Variants in TIAM2 observed in about 807,000 individuals in gnomAD.
TIAM2 encodes the protein rho guanine nucleotide exchange factor TIAM2.
A neutral mutation model predicts 152.9 loss-of-function variants in TIAM2; 80 were observed. That is an observed-to-expected ratio of 0.52 (90% CI 0.44 to 0.63). The LOEUF is 0.63. Among genes scored for constraint, TIAM2 ranks in the 30% least tolerant of loss-of-function variants. The probability of loss-of-function intolerance (pLI) is 0.00; values close to 1 mark genes in which losing one functional copy is unlikely to be tolerated. For synonymous variants in TIAM2, 804 were observed against 838.0 expected, an observed-to-expected ratio of 0.96 and a Z score of 0.70; for missense variants, 1,965 against 2,120.1, an observed-to-expected ratio of 0.93 and a Z score of 1.44.
At chr6:155,109,990 C>T (rs951929263) in intron 2 of TIAM2, among the ~76,000 whole-genome samples, 8 of 150,210 alleles carry the variant, frequency 5.3e-5, no homozygotes, top group African/African-American at 1.7e-4. Flanking sequence ...CACTCTTTTA[C>T]CCAGGCTGGA....
intron 14 of TIAM2, 120 bp from the exon 15 acceptor site, chr6:155,211,084 C>T (rs1781706621): frequency 2.7e-6 from 2 of 738,280 alleles, no homozygotes; most frequent in Non-Finnish European, 4.4e-6. Context: ...TTCAGGACTG[C>T]TCTGTACTGC....
intron 7 of TIAM2, among the ~76,000 whole-genome samples, chr6:155,158,454 GA>G (rs1780177394): frequency 6.6e-6 from 1 of 152,156 alleles, no homozygotes; most frequent in Non-Finnish European, 1.5e-5. Context: ...GAAAGATAAT[GA>G]AAACCTTCTC....
intron 1 of TIAM2, among the ~76,000 whole-genome samples, chr6:155,079,579 G>C (rs915850544): frequency 1.4e-4 from 21 of 152,204 alleles, no homozygotes; most frequent in Admixed American, 1.4e-3. Flanking sequence ...CAGTACAGCT[G>C]GGGGTTCAGA....
At chr6:155,049,106 C>A (rs1777267780) in intron 1 of TIAM2, among the ~76,000 whole-genome samples, 1 of 152,104 alleles carries the variant, frequency 6.6e-6, no homozygotes, top group Non-Finnish European at 1.5e-5. Flanking sequence ...CAGCCTTAAT[C>A]CACTCTTTGA....
chr6:155,136,560 C>T (rs1438210356), intron 4 of TIAM2, among the ~76,000 whole-genome samples: 1 of 152,130 alleles, frequency 6.6e-6, no homozygotes, highest in East Asian at 1.9e-4. Flanking sequence ...AAGCATGAGC[C>T]ACCTCGCCAT....
rs1187525574 is a variant in TIAM2 at position 155,186,754 on chromosome 6, C to A, written c.3064+3254C>A. Among the ~76,000 whole-genome samples, 1 of 152,112 alleles carries A rather than the reference C, an allele frequency of 6.6e-6. No individual in the cohort carries two copies. Among genetic ancestry groups the A allele is most frequent in the Admixed American group, 6.5e-5 (1 of 15,274 alleles). On this transcript the variant is annotated intron_variant, in intron 14 of 26. Coordinates refer to ENST00000682666, the MANE Select transcript of TIAM2 (RefSeq NM_012454.4). The surrounding 1 kb of genome is among the most constrained non-coding windows in gnomAD (Gnocchi z 4.5). ...GCAATGAATTAGAAAACAGTAATCC[C>A]ATTTTTTAACTAAAAAAGTTAAAAT...
Position 155,179,133 on chromosome 6 carries a change from T to C in TIAM2, c.2618T>C (p.Met873Thr). ...EYCIPAPYEY[M>T]QQQVYDEIEV... ...TGCATCCCTGCACCATATGAATATA[T>C]GCAACAACAGGTAAGTGTGCACTAG... Residue 873 changes from methionine to threonine, a missense_variant, in exon 11 of 27, where the codon ATG becomes ACG. Coordinates refer to ENST00000682666, the MANE Select transcript of TIAM2 (RefSeq NM_012454.4). 6.2e-7 allele frequency: 1 copy of C among 1,613,206 alleles called. No homozygotes were observed. Among genetic ancestry groups the C allele is most frequent in the Non-Finnish European group, 8.5e-7 (1 of 1,179,530 alleles).
chr6:155,108,406 G>T (rs968661898), intron 2 of TIAM2, among the ~76,000 whole-genome samples: 1 of 152,156 alleles, frequency 6.6e-6, no homozygotes, highest in Non-Finnish European at 1.5e-5. Flanking sequence ...CTGAGAGCAG[G>T]AACAGTGCAC....
At chr6:155,106,706 C>G (rs1778698895) in intron 2 of TIAM2, among the ~76,000 whole-genome samples, 1 of 152,200 alleles carries the variant, frequency 6.6e-6, no homozygotes, top group African/African-American at 2.4e-5. Context: ...AGCTGAGGCT[C>G]CCTTCAAGTG....
At chr6:155,118,579 C>T (rs906618863) in intron 2 of TIAM2, among the ~76,000 whole-genome samples, 9 of 151,834 alleles carry the variant, frequency 5.9e-5, no homozygotes, top group Admixed American at 1.3e-4. Context: ...ATTACAGGCG[C>T]CCGCCACCAC....
In TIAM2 at chr6:155,015,868, C is replaced by T. The variant is rs182158397; in HGVS notation, c.-209+20376C>T. Among the ~76,000 whole-genome samples, 70 of 134,158 alleles carry T rather than the reference C, an allele frequency of 5.2e-4. No homozygotes were observed. The Middle Eastern group carries it at 0.018, about 34-fold the overall frequency. The allele number at this position is 134,158 out of a possible 152,430, so 88.0% of individuals were successfully genotyped here. On this transcript the variant is annotated intron_variant, in intron 1 of 26. Transcript: ENST00000682666. Reference sequence around the variant, plus strand: ...AGGAGAATCTCTTGAACCCAGGAGGCGGGGGTTGCAGTGAGCCAAGATGGC... The same window carrying T: ...AGGAGAATCTCTTGAACCCAGGAGGTGGGGGTTGCAGTGAGCCAAGATGGC...
intron 1 of TIAM2, among the ~76,000 whole-genome samples, chr6:155,033,180 A>C (rs2114893480): frequency 6.6e-6 from 1 of 152,326 alleles, no homozygotes; most frequent in African/African-American, 2.4e-5. Context: ...CACTGCAGCC[A>C]TGACGGCCCC....
intron 14 of TIAM2, among the ~76,000 whole-genome samples, chr6:155,199,584 G>A (rs1583245134): frequency 6.6e-6 from 1 of 152,288 alleles, no homozygotes; most frequent in East Asian, 1.9e-4. Flanking sequence ...AGGCAAAATA[G>A]TTTAAAATTT....
At chr6:155,000,740 T>G (rs537125187) in intron 1 of TIAM2, among the ~76,000 whole-genome samples, 10 of 152,232 alleles carry the variant, frequency 6.6e-5, no homozygotes, top group African/African-American at 2.2e-4. Context: ...ATCCCAGTAC[T>G]CTGGGAGGCC....
chr6:155,249,483 G>A (rs1783527569), intron 20 of TIAM2, among the ~76,000 whole-genome samples: 1 of 152,186 alleles, frequency 6.6e-6, no homozygotes, highest in Non-Finnish European at 1.5e-5. Flanking sequence ...TTTCTCATCT[G>A]TAAAATGGGA....
In TIAM2 at chr6:155,129,804, C is replaced by A. The variant is rs147519937; in HGVS notation, c.581C>A (p.Pro194Gln). ...SKVPAEDCSE[P>Q]VQLLRYSPTL... ...GTGCCTGCAGAGGACTGCAGTGAGCCGGTGCAGCTGCTGAGGTACTCACCT... is the reference window on the plus strand; with the variant it reads ...GTGCCTGCAGAGGACTGCAGTGAGCAGGTGCAGCTGCTGAGGTACTCACCT... Residue 194 changes from proline to glutamine, a missense_variant, in exon 4 of 27, where the codon CCG becomes CAG. Transcript: ENST00000682666. This position sits in a 1 kb window ranked among gnomAD's most constrained non-coding sequence, Gnocchi z 4.8. 1.1e-5 allele frequency: 17 copies of A among 1,613,570 alleles called. No individual in the cohort carries two copies. The highest frequency in any genetic ancestry group is 1.4e-5 in the Non-Finnish European group (16 of 1,180,036).
At chr6:154,996,877 A>C (rs1778221740) in intron 1 of TIAM2, among the ~76,000 whole-genome samples, 1 of 152,222 alleles carries the variant, frequency 6.6e-6, no homozygotes, top group Non-Finnish European at 1.5e-5. Context: ...TTAGGGTGTC[A>C]GAGGTTTTTG....
intron 15 of TIAM2, among the ~76,000 whole-genome samples, chr6:155,217,763 G>A (rs944077643): frequency 3.9e-5 from 6 of 152,176 alleles, no homozygotes; most frequent in African/African-American, 9.7e-5. Context: ...TGACAACTGT[G>A]TGTTGTGCTC....
chr6:155,071,647 G>A (rs750651161), intron 1 of TIAM2, among the ~76,000 whole-genome samples: 1 of 152,178 alleles, frequency 6.6e-6, no homozygotes, highest in African/African-American at 2.4e-5. Flanking sequence ...GCTCACGCCT[G>A]TAATCCGAGC....
Sources: gnomAD v4.1 joint callset for allele counts (sites outside exome capture counted in the v4.1 genomes callset) on GRCh38, gnomAD v4.1.1 for gene constraint, Gnocchi (gnomAD v3.1) non-coding constraint, MANE v1.5 for transcripts, NCBI Gene and HGNC (gene_info 2026-07-23, HGNC 2026-07-21) for gene names.